RET: variants seen among roughly 807,000 people sequenced by gnomAD.
RET encodes the protein ret proto-oncogene.
A neutral mutation model predicts 118.3 loss-of-function variants in RET; 19 were observed. That is an observed-to-expected ratio of 0.16 (90% CI 0.11 to 0.24). The LOEUF (loss-of-function observed/expected upper bound fraction) is 0.24. RET is among the 10% of genes least tolerant of loss of function. The probability of loss-of-function intolerance (pLI) is 1.00; values close to 1 mark genes in which losing one functional copy is unlikely to be tolerated. For synonymous variants in RET, 597 were observed against 644.1 expected, an observed-to-expected ratio of 0.93 and a Z score of 1.11; for missense variants, 1,219 against 1,502.1, an observed-to-expected ratio of 0.81 and a Z score of 3.12.
intron 2 of RET, 136 bp downstream of exon 2, chr10:43,100,858 T>G: frequency 1.0e-6 from 1 of 996,060 alleles, no homozygotes; most frequent in South Asian, 1.5e-5. Flanking sequence ...AGGGGTTAAG[T>G]GAGGCTGGCC....
chr10:43,128,060 C>T (rs2133047157), intron 19 of RET, 52 bp from the exon 20 acceptor site: 3 of 1,606,382 alleles, frequency 1.9e-6, no homozygotes, highest in Non-Finnish European at 2.6e-6. Flanking sequence ...ACTGTCTGCA[C>T]TTGAAGTTTT....
At position 43,106,291 on chromosome 10, in the gene RET, C is replaced by A; in HGVS notation, c.868-85C>A. The A allele has an allele frequency of 1.5e-6, 2 of 1,295,538 alleles. No individual in the cohort carries two copies. The highest frequency in any genetic ancestry group is 2.2e-6 in the Non-Finnish European group (2 of 915,438). 80.3% of individuals were successfully genotyped at this position (1,295,538 alleles called of 1,614,324 possible). On this transcript the variant is annotated intron_variant, in intron 4 of 19. Transcript: ENST00000355710. The surrounding 1 kb of genome is among the most constrained non-coding windows in gnomAD (Gnocchi z 5.1). ...TGGTCCACCTATGGGCTGTGTGGGA[C>A]GTGCAGCATTCTAAGGTCTCTGGTT... is the stretch of plus-strand genomic sequence containing the variant.
chr10:43,102,729 A>C, intron 3 of RET, 100 bp downstream of exon 3: 3 of 1,421,074 alleles, frequency 2.1e-6, no homozygotes, highest in Non-Finnish European at 2.9e-6. Flanking sequence ...CTTCACCTTC[A>C]TGCCATCAGT....
At chr10:43,079,509 G>T (rs1232296245) in intron 1 of RET, among the ~76,000 whole-genome samples, 1 of 152,228 alleles carries the variant, frequency 6.6e-6, no homozygotes, top group Admixed American at 6.5e-5. Flanking sequence ...AGATACAGCT[G>T]TCCCCGTTGC....
chr10:43,129,724 A>C lies in RET; in HGVS notation c.*1455A>C, dbSNP rs3026784. 1 of 377,778 alleles carries C rather than the reference A, an allele frequency of 2.6e-6. No homozygotes were observed. Among genetic ancestry groups the C allele is most frequent in the Non-Finnish European group, 4.7e-6 (1 of 213,230 alleles). The allele number at this position is 377,778 out of a possible 1,614,324, so 23.4% of individuals were successfully genotyped here. A position where few individuals can be genotyped will look rare whatever the true frequency, so the allele number is the denominator to read the frequency against. On this transcript the variant is annotated 3_prime_UTR_variant, in exon 20 of 20. Coordinates refer to ENST00000355710, the MANE Select transcript of RET (RefSeq NM_020975.6). ...ATAGGCATTTCACAAAAACAGCAAA[A>C]TTGTGGCATTTTGTGAGGCCAAGGC... is the stretch of plus-strand genomic sequence containing the variant.
chr10:43,108,514 G>A (rs557267575), intron 5 of RET, among the ~76,000 whole-genome samples: 2 of 152,282 alleles, frequency 1.3e-5, no homozygotes, highest in African/African-American at 4.8e-5. Context: ...GCCTAATAAG[G>A]CAAGTCCACC....
rs1327342299 is a variant in RET, at chr10:43,114,414, C to T, written c.1880-66C>T. ...CTGGAGAGCCATGAGGCAGAGCATA[C>T]GCAGCCTGTACCCAGTGGTGCCGAG... On this transcript the variant is annotated intron_variant, in intron 10 of 19. Coordinates refer to ENST00000355710, the MANE Select transcript of RET (RefSeq NM_020975.6). The surrounding 1 kb of genome is among the most constrained non-coding windows in gnomAD (Gnocchi z 4.6). 16 of 1,593,658 alleles carry T rather than the reference C, an allele frequency of 1.0e-5. No individual in the cohort carries two copies. In the South Asian group the frequency reaches 1.3e-4, roughly 13 times the overall value.
intron 5 of RET, among the ~76,000 whole-genome samples, chr10:43,108,226 A>T (rs569332120): frequency 1.3e-5 from 2 of 151,782 alleles, no homozygotes; most frequent in Admixed American, 1.3e-4. Flanking sequence ...GTGGTGGCAC[A>T]TGCCTGGATT....
chr10:43,096,480 G>T (rs940071317), intron 1 of RET, among the ~76,000 whole-genome samples: 2 of 152,170 alleles, frequency 1.3e-5, no homozygotes, highest in Non-Finnish European at 2.9e-5. Context: ...GAAATGGGCA[G>T]TGAAGGGATC....
intron 12 of RET, 116 bp downstream of exon 12, chr10:43,116,847 G>C: frequency 7.4e-7 from 1 of 1,342,440 alleles, no homozygotes; most frequent in Non-Finnish European, 1.0e-6. Context: ...TTCTAGAGCG[G>C]CTGCAGTTGG....
In RET at chr10:43,118,554, T is replaced by C; in HGVS notation, c.2392+74T>C. 4.6e-6 allele frequency: 5 copies of C among 1,094,358 alleles called. No homozygotes were observed. In the South Asian group the frequency reaches 6.4e-5, roughly 14 times the overall value. The allele number at this position is 1,094,358 out of a possible 1,614,324, so 67.8% of individuals were successfully genotyped here. On this transcript the variant is annotated intron_variant, in intron 13 of 19. Coordinates refer to ENST00000355710, the MANE Select transcript of RET (RefSeq NM_020975.6). ...GGGCTCCATACAGCCCTGTTCTCCC[T>C]CTTTCTCCCTTTCCCTACTGCTCCT...
chr10:43,112,588 A>C (rs1837964653), intron 8 of RET, among the ~76,000 whole-genome samples: 1 of 152,168 alleles, frequency 6.6e-6, no homozygotes, highest in African/African-American at 2.4e-5. Flanking sequence ...TGTGCCCACC[A>C]CCATGAGGGG....
chr10:43,111,525 T>C, intron 7 of RET, 60 bp downstream of exon 7: 2 of 1,553,612 alleles, frequency 1.3e-6, no homozygotes, highest in Non-Finnish European at 1.7e-6. Context: ...AGCCTGGGCC[T>C]CCTGCCCTTT....
chr10:43,123,620 G>T (rs529561922), intron 16 of RET, 51 bp from the exon 17 acceptor site: 2 of 1,613,216 alleles, frequency 1.2e-6, no homozygotes, highest in Non-Finnish European at 1.7e-6. Flanking sequence ...CCCCCGGAGG[G>T]CTCTGTGAGG....
Position 43,129,864 on chromosome 10 carries a change from C to T in RET, c.*1595C>T, listed in dbSNP as rs1461295120. The T allele has an allele frequency of 5.2e-6, 2 of 383,996 alleles. No individual in the cohort carries two copies. Among genetic ancestry groups the T allele is most frequent in the Non-Finnish European group, 9.2e-6 (2 of 218,082 alleles). The allele number at this position is 383,996 out of a possible 1,614,324, so 23.8% of individuals were successfully genotyped here. Reference sequence around the variant, plus strand: ...TCTAATTTGGGCTGTTTTTCAGATACACTGTGATAAGTTCTTTTACAAATA... The same window carrying T: ...TCTAATTTGGGCTGTTTTTCAGATATACTGTGATAAGTTCTTTTACAAATA... On this transcript the variant is annotated 3_prime_UTR_variant, in exon 20 of 20. Coordinates refer to ENST00000355710, the MANE Select transcript of RET (RefSeq NM_020975.6).
At chr10:43,084,849 G>A (rs1837256842) in intron 1 of RET, among the ~76,000 whole-genome samples, 2 of 152,152 alleles carry the variant, frequency 1.3e-5, no homozygotes, top group Non-Finnish European at 2.9e-5. Flanking sequence ...GTGAAGGATG[G>A]AGGAAGGGGA....
intron 1 of RET, among the ~76,000 whole-genome samples, chr10:43,087,450 G>A (rs780700385): frequency 1.1e-4 from 16 of 152,234 alleles, no homozygotes; most frequent in African/African-American, 2.2e-4. Context: ...CTGAGCGCCC[G>A]GTATATGCAC....
rs201945709 is a variant in RET, at chr10:43,128,760, CG to C, written c.*499del. 3.4e-4 allele frequency: 93 copies of C among 272,688 alleles called. No homozygotes were observed. Among genetic ancestry groups the C allele is most frequent in the East Asian group, 1.6e-3 (31 of 18,812 alleles). 16.9% of individuals were successfully genotyped at this position (272,688 alleles called of 1,614,324 possible). ...TGTCCTTATTCAGAATGAGAGACTG[CG>C]GGGGGGGCCTGGGGGTAGTGTCAAT... On this transcript the variant is annotated 3_prime_UTR_variant, in exon 20 of 20. Transcript: ENST00000355710.
At position 43,100,467 on chromosome 10, in the gene RET, G is replaced by A. The variant is rs779905135; in HGVS notation, c.82G>A (p.Gly28Ser). ...TTCCCTACTTCCCACAGTGGCATTG[G>A]GCCTCTACTTCTCGAGGGATGCTTA... ...LLPLLGKVAL[G>S]LYFSRDAYWE... Residue 28 changes from glycine to serine, a missense_variant, in exon 2 of 20, where the codon GGC becomes AGC. Coordinates refer to ENST00000355710, the MANE Select transcript of RET (RefSeq NM_020975.6). The A allele has an allele frequency of 9.3e-6, 15 of 1,613,274 alleles. No individual in the cohort carries two copies. In the African/African-American group the frequency reaches 2.0e-4, roughly 22 times the overall value.
Sources: gnomAD v4.1 joint callset for allele counts (sites outside exome capture counted in the v4.1 genomes callset) on GRCh38, gnomAD v4.1.1 for gene constraint, Gnocchi (gnomAD v3.1) non-coding constraint, MANE v1.5 for transcripts, NCBI Gene and HGNC (gene_info 2026-07-23, HGNC 2026-07-21) for gene names.